The following CFAP20DC variants were observed in gnomAD, a reference collection of about 807,000 sequenced individuals.
The protein encoded by CFAP20DC is protein CFAP20DC.
CFAP20DC carries 84 observed loss-of-function variants against 101.7 expected under a neutral mutation model. The ratio of observed to expected loss-of-function variants is 0.83; its 90% CI spans 0.69 to 0.99. The LOEUF is 0.99. CFAP20DC is among the 50% of genes least tolerant of loss of function. The pLI is 0.00. For missense variants in CFAP20DC, 1,007 were observed against 970.3 expected (o/e 1.04, Z -0.50); for synonymous variants, 359 against 351.2 (o/e 1.02, Z -0.25).
intron 5 of CFAP20DC, among the ~76,000 whole-genome samples, chr3:58,936,716 T>C (rs570447469): frequency 7.0e-4 from 106 of 152,140 alleles, no homozygotes; most frequent in Admixed American, 2.7e-3. Context: ...CAGGTGGGAA[T>C]TGAACAATGA....
At chr3:58,956,435 A>G (rs538812206) in intron 4 of CFAP20DC, among the ~76,000 whole-genome samples, 18 of 152,254 alleles carry the variant, frequency 1.2e-4, no homozygotes, top group Middle Eastern at 3.4e-3. Flanking sequence ...CCACAGGGCA[A>G]GACACCTCTG....
intron 6 of CFAP20DC, among the ~76,000 whole-genome samples, chr3:58,906,950 T>C (rs1324718108): frequency 2.0e-5 from 3 of 152,064 alleles, no homozygotes; most frequent in African/African-American, 7.2e-5. Flanking sequence ...AAAAACAAGA[T>C]GCAGTCTGGA....
intron 14 of CFAP20DC, among the ~76,000 whole-genome samples, chr3:58,819,513 C>A (rs1362780515): frequency 1.5e-4 from 22 of 149,800 alleles, no homozygotes; most frequent in Admixed American, 2.6e-4. Context: ...ACTACAAACA[C>A]CTCTACGCAA....
intron 7 of CFAP20DC, among the ~76,000 whole-genome samples, chr3:58,879,080 A>G (rs535866768): frequency 6.6e-6 from 1 of 152,082 alleles, no homozygotes; most frequent in East Asian, 1.9e-4. Context: ...CCCAATGCTC[A>G]CTATTTGATC....
intron 4 of CFAP20DC, among the ~76,000 whole-genome samples, chr3:58,942,533 C>T (rs192232316): frequency 2.6e-5 from 4 of 152,222 alleles, no homozygotes; most frequent in Non-Finnish European, 5.9e-5. Context: ...AGGAACGGTG[C>T]ATTCTGGCCC....
intron 6 of CFAP20DC, among the ~76,000 whole-genome samples, chr3:58,896,776 A>G (rs1194286900): frequency 6.6e-6 from 1 of 151,838 alleles, no homozygotes; most frequent in Non-Finnish European, 1.5e-5. Flanking sequence ...ATTCTTTTGC[A>G]TTTGCTTAGG....
intron 1 of CFAP20DC, among the ~76,000 whole-genome samples, chr3:59,047,751 C>T (rs997457480): frequency 1.1e-4 from 16 of 152,074 alleles, no homozygotes; most frequent in African/African-American, 3.9e-4. Context: ...TCTTGATTCT[C>T]CATCTGTAAA....
At chr3:58,819,895 A>T (rs1215120823) in intron 14 of CFAP20DC, among the ~76,000 whole-genome samples, 8 of 147,210 alleles carry the variant, frequency 5.4e-5, no homozygotes, top group Admixed American at 4.8e-4. Flanking sequence ...AATCCTCAAT[A>T]AAATACTGGC....
At chr3:58,766,627 A>C (rs1445027418) in intron 15 of CFAP20DC, among the ~76,000 whole-genome samples, 1 of 152,230 alleles carries the variant, frequency 6.6e-6, no homozygotes, top group Non-Finnish European at 1.5e-5. Flanking sequence ...CAGGAGAAAG[A>C]CCAGGACCAT....
chr3:58,819,414 AAGAG>A (rs2075444785), intron 14 of CFAP20DC, among the ~76,000 whole-genome samples: 1 of 151,926 alleles, frequency 6.6e-6, no homozygotes, highest in African/African-American at 2.4e-5. Flanking sequence ...TAAAGAAAAA[AAGAG>A]AGAAGAATCA....
At chr3:58,800,178 T>C (rs192927479) in intron 15 of CFAP20DC, among the ~76,000 whole-genome samples, 120 of 152,288 alleles carry the variant, frequency 7.9e-4, no homozygotes, top group African/African-American at 2.7e-3. Context: ...CTGCATCTGA[T>C]TGAGGCCTGT....
chr3:58,780,209 A>AT (rs1349125269), intron 15 of CFAP20DC, among the ~76,000 whole-genome samples: 1 of 152,178 alleles, frequency 6.6e-6, no homozygotes, highest in African/African-American at 2.4e-5. Flanking sequence ...CCTACAAGCA[A>AT]TGCTTAAGGA....
intron 6 of CFAP20DC, among the ~76,000 whole-genome samples, chr3:58,884,989 T>C (rs900266081): frequency 2.0e-5 from 3 of 152,180 alleles, no homozygotes; most frequent in African/African-American, 7.2e-5. Flanking sequence ...AAATATTCCA[T>C]ATTTTCTTTT....
chr3:59,037,509 G>T (rs2094125630), intron 4 of CFAP20DC, among the ~76,000 whole-genome samples: 1 of 151,510 alleles, frequency 6.6e-6, no homozygotes, highest in South Asian at 2.1e-4. Context: ...ACATTTATGT[G>T]GGCAACAAAT....
intron 15 of CFAP20DC, among the ~76,000 whole-genome samples, chr3:58,794,549 A>T (rs2073097193): frequency 6.6e-6 from 1 of 152,226 alleles, no homozygotes; most frequent in Non-Finnish European, 1.5e-5. Context: ...GCATTGCTAG[A>T]GTGAAAAATT....
At chr3:58,825,531 A>G (rs1373945078) in intron 14 of CFAP20DC, among the ~76,000 whole-genome samples, 1 of 126,646 alleles carries the variant, frequency 7.9e-6, no homozygotes, top group African/African-American at 3.5e-5. Context: ...GTTCCTTAAA[A>G]AAAGAAAACA....
intron 4 of CFAP20DC, among the ~76,000 whole-genome samples, chr3:58,976,360 C>A (rs1236375457): frequency 6.6e-6 from 1 of 152,116 alleles, no homozygotes; most frequent in East Asian, 1.9e-4. Context: ...TGATTGTTGC[C>A]AAGACACTGG....
intron 14 of CFAP20DC, among the ~76,000 whole-genome samples, chr3:58,809,250 T>G (rs1322508719): frequency 1.3e-5 from 2 of 151,958 alleles, no homozygotes; most frequent in Non-Finnish European, 1.5e-5. Flanking sequence ...AGAATATACA[T>G]TTTTTTCAGC....
chr3:58,743,588 G>A (rs1268141448), intron 16 of CFAP20DC, among the ~76,000 whole-genome samples: 1 of 152,336 alleles, frequency 6.6e-6, no homozygotes. Flanking sequence ...TCACCAGGGT[G>A]AGCTTCAGAA....
Sources: gnomAD v4.1 joint callset for allele counts (sites outside exome capture counted in the v4.1 genomes callset) on GRCh38, gnomAD v4.1.1 for gene constraint, MANE v1.5 for transcripts, NCBI Gene and HGNC (gene_info 2026-07-23, HGNC 2026-07-21) for gene names.